CHSY3: variants seen among roughly 807,000 people sequenced by gnomAD.
CHSY3 encodes the protein chondroitin sulfate synthase 3, also known as N-acetylgalactosaminyl-proteoglycan 3-beta-glucuronosyltransferase 3.
Under a neutral mutation model 67.2 loss-of-function variants are expected in CHSY3, and 35 were observed. The observed-to-expected ratio is 0.52, with a 90% confidence interval of 0.40 to 0.69. The LOEUF is 0.69. CHSY3 is among the 30% of genes least tolerant of loss of function. CHSY3 has a pLI of 0.00. For synonymous variants in CHSY3, 474 were observed against 434.7 expected (o/e 1.09, Z -1.12); for missense variants, 1,069 against 1,138.5 (o/e 0.94, Z 0.88).
At chr5:130,018,488 GTCTC>G (rs1764275984) in intron 2 of CHSY3, among the ~76,000 whole-genome samples, 1 of 152,106 alleles carries the variant, frequency 6.6e-6, no homozygotes, top group Non-Finnish European at 1.5e-5. Context: ...CTCTGCTTCT[GTCTC>G]TACCTATGCT....
chr5:130,143,990 C>T (rs1052318683), intron 2 of CHSY3, among the ~76,000 whole-genome samples: 1 of 150,886 alleles, frequency 6.6e-6, no homozygotes, highest in Non-Finnish European at 1.5e-5. Context: ...TGGCAAACTT[C>T]AGCTTTACAT....
chr5:129,999,126 T>TTTG (rs1370929173), intron 2 of CHSY3, among the ~76,000 whole-genome samples: 1 of 148,098 alleles, frequency 6.8e-6, no homozygotes, highest in Non-Finnish European at 1.5e-5. Flanking sequence ...CCCCCTCCCT[T>TTTG]TTTTTTTTTT....
intron 2 of CHSY3, among the ~76,000 whole-genome samples, chr5:130,086,754 C>T (rs1766646647): frequency 6.6e-6 from 1 of 151,976 alleles, no homozygotes; most frequent in Non-Finnish European, 1.5e-5. Flanking sequence ...GAGTCCAGGA[C>T]CACATGGATT....
At chr5:129,996,033 C>G (rs1763529115) in intron 2 of CHSY3, among the ~76,000 whole-genome samples, 1 of 152,046 alleles carries the variant, frequency 6.6e-6, no homozygotes, top group African/African-American at 2.4e-5. Flanking sequence ...TATTTCAAAG[C>G]CTGGTTCTGT....
chr5:129,966,178 G>A (rs775099212), intron 2 of CHSY3, among the ~76,000 whole-genome samples: 1 of 151,948 alleles, frequency 6.6e-6, no homozygotes, highest in African/African-American at 2.4e-5. Context: ...GAATGTTTGT[G>A]TAGTGGAAGC....
intron 2 of CHSY3, among the ~76,000 whole-genome samples, chr5:129,918,808 T>TAAA (rs67920872): frequency 2.8e-5 from 4 of 145,280 alleles, no homozygotes; most frequent in Admixed American, 6.8e-5. Flanking sequence ...GATTCTCTTT[T>TAAA]AAAAAAAAAA....
At chr5:129,941,526 A>C (rs1201620482) in intron 2 of CHSY3, among the ~76,000 whole-genome samples, 1 of 152,186 alleles carries the variant, frequency 6.6e-6, no homozygotes, top group Non-Finnish European at 1.5e-5. Context: ...AAAGTGGCGT[A>C]TGCTTTTGAT....
At chr5:130,052,771 C>A (rs189691596) in intron 2 of CHSY3, among the ~76,000 whole-genome samples, 114 of 152,172 alleles carry the variant, frequency 7.5e-4, no homozygotes, top group African/African-American at 2.6e-3. Flanking sequence ...TATCCACAGG[C>A]GTTAATTTAT....
chr5:129,906,244 C>T (rs1343153263), intron 1 of CHSY3, among the ~76,000 whole-genome samples: 4 of 152,144 alleles, frequency 2.6e-5, no homozygotes, highest in Non-Finnish European at 5.9e-5. Context: ...GCCATCCCCA[C>T]CGTGCCAGCG....
At chr5:129,956,101 T>C (rs942664939) in intron 2 of CHSY3, among the ~76,000 whole-genome samples, 2 of 152,202 alleles carry the variant, frequency 1.3e-5, no homozygotes, top group African/African-American at 4.8e-5. Flanking sequence ...TTTTTAGCTC[T>C]TTGAGGAATC....
At chr5:130,118,654 A>C (rs1767904336) in intron 2 of CHSY3, among the ~76,000 whole-genome samples, 1 of 152,146 alleles carries the variant, frequency 6.6e-6, no homozygotes, top group South Asian at 2.1e-4. Flanking sequence ...GTATTTTTGC[A>C]AACTATCATC....
chr5:129,981,358 A>T (rs896720584), intron 2 of CHSY3, among the ~76,000 whole-genome samples: 10 of 151,946 alleles, frequency 6.6e-5, no homozygotes, highest in Non-Finnish European at 1.5e-5. Flanking sequence ...TTTATATTAA[A>T]TTATTTTATT....
intron 2 of CHSY3, among the ~76,000 whole-genome samples, chr5:130,100,383 G>A (rs1159274547): frequency 1.4e-5 from 2 of 147,230 alleles, no homozygotes; most frequent in South Asian, 2.1e-4. Flanking sequence ...TTTTAGTAGA[G>A]ACGGGCTTTC....
chr5:129,905,419 G>A lies in CHSY3; in HGVS notation c.590G>A (p.Arg197His), dbSNP rs369526508. The A allele has an allele frequency of 5.2e-5, 84 of 1,610,260 alleles. No individual in the cohort carries two copies. Among genetic ancestry groups the A allele is most frequent in the Non-Finnish European group, 6.5e-5 (77 of 1,179,400 alleles). ...RALAAQRTWA[R>H]FIPGRVEFFS... ...CTGGCCGCGCAGCGGACCTGGGCGC[G>A]TTTCATCCCGGGCCGCGTGGAGTTC... The change falls in exon 1 of 3, where the codon CGT (arginine) becomes CAT (histidine). Residue 197 changes from arginine (R) to histidine (H), a missense_variant. This residue lies in a region of CHSY3 where 216 missense variants were observed against 311.5 expected (regional missense o/e 0.69). Coordinates refer to ENST00000305031, the MANE Select transcript of CHSY3 (RefSeq NM_175856.5).
At chr5:129,959,813 T>G (rs919372703) in intron 2 of CHSY3, among the ~76,000 whole-genome samples, 1 of 152,152 alleles carries the variant, frequency 6.6e-6, no homozygotes, top group African/African-American at 2.4e-5. Context: ...TTTAAGGTAC[T>G]GTTTTCTTTT....
chr5:130,165,249 AT>A (rs902552206), intron 2 of CHSY3, among the ~76,000 whole-genome samples: 2 of 152,148 alleles, frequency 1.3e-5, no homozygotes, highest in Admixed American at 6.6e-5. Flanking sequence ...AGTTCTTGGG[AT>A]TTTGGACCAG....
intron 2 of CHSY3, among the ~76,000 whole-genome samples, chr5:129,959,977 T>G (rs957146527): frequency 6.6e-6 from 1 of 152,120 alleles, no homozygotes; most frequent in Non-Finnish European, 1.5e-5. Flanking sequence ...AGACAAACCT[T>G]AGAAAATTCC....
At chr5:129,909,255 C>T (rs1760443835) in intron 2 of CHSY3, among the ~76,000 whole-genome samples, 2 of 151,894 alleles carry the variant, frequency 1.3e-5, no homozygotes, top group African/African-American at 4.8e-5. Flanking sequence ...GTTTGGTTTT[C>T]AAGTAGTTGG....
chr5:130,081,006 T>C (rs188480319), intron 2 of CHSY3, among the ~76,000 whole-genome samples: 10 of 152,124 alleles, frequency 6.6e-5, no homozygotes, highest in Admixed American at 6.5e-4. Flanking sequence ...ATGTGGATGA[T>C]TTTAGGGAGG....
Sources: gnomAD v4.1 joint callset for allele counts (sites outside exome capture counted in the v4.1 genomes callset) on GRCh38, gnomAD v4.1.1 for gene constraint, gnomAD v4.1.1 regional missense constraint, MANE v1.5 for transcripts, NCBI Gene and HGNC (gene_info 2026-07-23, HGNC 2026-07-21) for gene names.